XRCC6: variants seen among roughly 807,000 people sequenced by gnomAD.
The protein encoded by XRCC6 is X-ray repair cross complementing 6.
In XRCC6, 5 loss-of-function variants were observed where a neutral mutation model predicts 65.7. The observed-to-expected ratio is 0.08, with a 90% confidence interval of 0.04 to 0.16. The LOEUF (loss-of-function observed/expected upper bound fraction) is 0.16, where lower values mean the gene tolerates loss of function less well. Among genes scored for constraint, XRCC6 ranks in the 10% least tolerant of loss-of-function variants. The pLI is 1.00. For missense variants in XRCC6, 447 were observed against 738.1 expected (o/e 0.61, Z 4.57); for synonymous variants, 270 against 270.6 (o/e 1.00, Z 0.02).
At chr22:41,659,746 G>A (rs181787169) in intron 11 of XRCC6, among the ~76,000 whole-genome samples, 8 of 152,094 alleles carry the variant, frequency 5.3e-5, no homozygotes, top group Non-Finnish European at 1.0e-4. Context: ...GTGCAGTGGT[G>A]GGATCTCGGC....
intron 11 of XRCC6, 41 bp from the exon 12 acceptor site, chr22:41,661,290 C>G (rs28384780): frequency 6.4e-7 from 1 of 1,568,314 alleles, no homozygotes; most frequent in Non-Finnish European, 8.7e-7. Context: ...AGCTGGGGCT[C>G]GTGACTCACC....
At chr22:41,624,251 G>C (rs558857709) in intron 2 of XRCC6, among the ~76,000 whole-genome samples, 1 of 152,078 alleles carries the variant, frequency 6.6e-6, no homozygotes, top group African/African-American at 2.4e-5. Flanking sequence ...CTGAGTCTGT[G>C]GTGGCATGCA....
At position 41,637,713 on chromosome 22, in the gene XRCC6, A is replaced by G. The variant is rs997675783; in HGVS notation, c.695A>G (p.His232Arg). 6 of 1,613,876 alleles carry G rather than the reference A, an allele frequency of 3.7e-6. No individual in the cohort carries two copies. The highest frequency in any genetic ancestry group is 5.1e-6 in the Non-Finnish European group (6 of 1,180,000). ...GCAGAGGATGAGGACCTCAGGGTTC[A>G]CTTTGAGGAATCCAGCAAGCTAGAA... ...SIAEDEDLRV[H>R]FEESSKLEDL... is the part of the protein sequence containing the mutation. The change falls in exon 6 of 13, where the codon CAC becomes CGC. Residue 232 changes from histidine (H) to arginine (R), a missense_variant. His to Arg is a conservative substitution (Grantham distance 29). Transcript: ENST00000360079.
intron 3 of XRCC6, among the ~76,000 whole-genome samples, chr22:41,631,839 T>C (rs1569082638): frequency 1.3e-5 from 2 of 151,916 alleles, no homozygotes; most frequent in African/African-American, 2.4e-5. Context: ...CTGGGCACCA[T>C]TGAGCACTGA....
chr22:41,651,033 C>T (rs765142741), intron 8 of XRCC6, 142 bp downstream of exon 8: 38 of 1,138,958 alleles, frequency 3.3e-5, no homozygotes, highest in African/African-American at 6.2e-5. Flanking sequence ...CTGCCTGGTG[C>T]AGTGGCTCAC....
Position 41,637,641 on chromosome 22 carries a change from C to G in XRCC6, c.623C>G (p.Pro208Arg). 1 of 1,609,394 alleles carries G rather than the reference C, an allele frequency of 6.2e-7. No individual in the cohort carries two copies. The highest frequency in any genetic ancestry group is 2.2e-5 in the East Asian group (1 of 44,748). Reference sequence around the variant, plus strand: ...CTTGACTTGATGCACCTGAAGAAACCTGGGGGCTTTGACATATCCTTGTTC... The same window carrying G: ...CTTGACTTGATGCACCTGAAGAAACGTGGGGGCTTTGACATATCCTTGTTC... ...IFLDLMHLKK[P>R]GGFDISLFYR... Residue 208 changes from proline to arginine, a missense_variant, in exon 6 of 13, where the codon CCT becomes CGT. Around this residue, in one of 4 missense-constraint regions of XRCC6, gnomAD observed 228 missense variants for 307.4 expected, o/e 0.74. Coordinates refer to ENST00000360079, the MANE Select transcript of XRCC6 (RefSeq NM_001469.5).
rs562110536 is a variant in XRCC6, at chr22:41,639,849, A to G, written c.773+2058A>G. On this transcript the variant is annotated intron_variant, in intron 6 of 12. Coordinates refer to ENST00000360079, the MANE Select transcript of XRCC6 (RefSeq NM_001469.5). ...GGCTAATTTTGTATTTTTAGTAGAG[A>G]CGGTTTCACCGTGTTAGCCAGGATG... Among the ~76,000 whole-genome samples, 18 of 148,814 alleles carry G rather than the reference A, an allele frequency of 1.2e-4. No homozygotes were observed. The South Asian group carries it at 3.2e-3, about 27-fold the overall frequency.
intron 2 of XRCC6, among the ~76,000 whole-genome samples, chr22:41,624,504 G>T (rs923350567): frequency 2.6e-5 from 4 of 151,574 alleles, no homozygotes; most frequent in African/African-American, 9.7e-5. Flanking sequence ...GACTAACATG[G>T]TGAAACCCCG....
intron 3 of XRCC6, among the ~76,000 whole-genome samples, chr22:41,635,784 C>G (rs999131170): frequency 1.3e-5 from 2 of 151,932 alleles, no homozygotes; most frequent in Non-Finnish European, 2.9e-5. Context: ...TCAAGTGATT[C>G]TCCCACCTCA....
intron 1 of XRCC6, 147 bp from the exon 2 acceptor site, chr22:41,621,843 G>C: frequency 1.4e-6 from 1 of 690,502 alleles, no homozygotes; most frequent in Non-Finnish European, 2.5e-6. Context: ...CATGCAGTCC[G>C]ACTGCCGAGC....
chr22:41,655,818 C>T (rs980367824), intron 9 of XRCC6, among the ~76,000 whole-genome samples: 25 of 151,752 alleles, frequency 1.6e-4, no homozygotes, highest in Non-Finnish European at 3.5e-4. Context: ...CCTGCTTCAG[C>T]CTCCCAAAGT....
At chr22:41,657,426 C>A (rs557163120) in intron 10 of XRCC6, among the ~76,000 whole-genome samples, 1 of 151,394 alleles carries the variant, frequency 6.6e-6, no homozygotes, top group Non-Finnish European at 1.5e-5. Context: ...TATAATAGAC[C>A]AACTCTCAGA....
rs760688512 is a variant in XRCC6, at chr22:41,661,280, A to G, written c.1523-51A>G. On this transcript the variant is annotated intron_variant, in intron 11 of 12. Transcript: ENST00000360079. ...CAGAGAGTTCTGGAAGTGGACAGCA[A>G]GCTGGGGCTCGTGACTCACCAGGCC... 12 of 1,529,928 alleles carry G rather than the reference A, an allele frequency of 7.8e-6. No individual in the cohort carries two copies. The African/African-American group carries it at 1.5e-4, about 19-fold the overall frequency. The allele number at this position is 1,529,928 out of a possible 1,614,324, so 94.8% of individuals were successfully genotyped here.
chr22:41,653,703 G>T lies in XRCC6; in HGVS notation c.1291+13G>T. 6.2e-7 allele frequency: 1 copy of T among 1,611,910 alleles called. No homozygotes were observed. Among genetic ancestry groups the T allele is most frequent in the African/African-American group, 1.3e-5 (1 of 75,028 alleles). On this transcript the variant is annotated intron_variant, in intron 9 of 12. Coordinates refer to ENST00000360079, the MANE Select transcript of XRCC6 (RefSeq NM_001469.5). ...GTGACTCCTCCAGGTATGTGGCAGA[G>T]ATATTTCCAGGGCTTCTGAACCTTG...
At chr22:41,650,581 G>A (rs1184959746) in intron 7 of XRCC6, 142 bp from the exon 8 acceptor site, 31 of 749,172 alleles carry the variant, frequency 4.1e-5, no homozygotes, top group Non-Finnish European at 1.3e-5. Flanking sequence ...ATTCCCTGTT[G>A]GAGAAGGAGG....
chr22:41,643,211 C>T (rs2067896598), intron 6 of XRCC6, among the ~76,000 whole-genome samples: 1 of 151,464 alleles, frequency 6.6e-6, no homozygotes, highest in South Asian at 2.1e-4. Context: ...GAGTTCGAGA[C>T]CAGCCACACC....
At chr22:41,659,676 A>G (rs2068081975) in intron 11 of XRCC6, among the ~76,000 whole-genome samples, 1 of 151,810 alleles carries the variant, frequency 6.6e-6, no homozygotes, top group South Asian at 2.1e-4. Context: ...CATAGGCTGG[A>G]CCTCAGTACA....
chr22:41,637,621 C>T lies in XRCC6; in HGVS notation c.603C>T (p.Asp201=), dbSNP rs2067823080. 1.2e-6 allele frequency: 2 copies of T among 1,604,548 alleles called. No homozygotes were observed. The highest frequency in any genetic ancestry group is 2.7e-5 in the African/African-American group (2 of 74,718). The change falls in exon 6 of 13, where the codon GAC becomes GAT. Residue 201 remains aspartate, a synonymous_variant. Coordinates refer to ENST00000360079, the MANE Select transcript of XRCC6 (RefSeq NM_001469.5). Reference sequence around the variant, plus strand: ...CCCTTGCAACAGGCATCTTCCTTGACTTGATGCACCTGAAGAAACCTGGGG... The same window carrying T: ...CCCTTGCAACAGGCATCTTCCTTGATTTGATGCACCTGAAGAAACCTGGGG... ...GDLRDTGIFL[D]LMHLKKPGGF...
At chr22:41,655,330 T>C (rs549012329) in intron 9 of XRCC6, among the ~76,000 whole-genome samples, 1 of 151,534 alleles carries the variant, frequency 6.6e-6, no homozygotes, top group South Asian at 2.1e-4. Context: ...CATTTTAGTT[T>C]TTTTTTTTTT....
Sources: allele counts gnomAD v4.1 joint callset (sites outside exome capture counted in the v4.1 genomes callset), GRCh38; gene constraint gnomAD v4.1.1; regional missense constraint gnomAD v4.1.1; transcripts MANE v1.5; gene names NCBI Gene and HGNC (gene_info 2026-07-23, HGNC 2026-07-21).